Variants in SH3BP1 observed in about 807,000 individuals in gnomAD.
The protein encoded by SH3BP1 is SH3 domain binding protein 1.
Under a neutral mutation model 69.8 loss-of-function variants are expected in SH3BP1, and 46 were observed. The ratio of observed to expected loss-of-function variants is 0.66; its 90% CI spans 0.52 to 0.84. The LOEUF (loss-of-function observed/expected upper bound fraction) is 0.84, where lower values mean the gene tolerates loss of function less well. Among genes scored for constraint, SH3BP1 ranks in the 40% least tolerant of loss-of-function variants. The pLI is 0.00. For missense variants in SH3BP1, 868 were observed against 930.9 expected (o/e 0.93, Z 0.88); for synonymous variants, 403 against 378.0 (o/e 1.07, Z -0.77).
chr22:37,655,556 C>A lies in SH3BP1; in HGVS notation c.1978C>A (p.Pro660Thr), dbSNP rs762441560. ...CCCCAGCCCAGTCTCTTTGAGTAACCCTGCACAGGTGGACCTGGGGGCTGC... is the reference window on the plus strand; with the variant it reads ...CCCCAGCCCAGTCTCTTTGAGTAACACTGCACAGGTGGACCTGGGGGCTGC... ...ASPSPVSLSN[P>T]AQVDLGAATA... The change falls in exon 18 of 18, where the codon CCT becomes ACT. Residue 660 changes from proline (P) to threonine (T), a missense_variant. Coordinates refer to ENST00000649765, the MANE Select transcript of SH3BP1 (RefSeq NM_018957.6). 11 of 1,593,676 alleles carry A rather than the reference C, an allele frequency of 6.9e-6. No homozygotes were observed. The South Asian group carries it at 8.0e-5, about 12-fold the overall frequency.
chr22:37,646,973 G>C, intron 11 of SH3BP1, 44 bp downstream of exon 11: 2 of 1,324,360 alleles, frequency 1.5e-6, no homozygotes, highest in Non-Finnish European at 2.0e-6. Context: ...GGGGGGGAGG[G>C]GGTGCAGTGG....
intron 14 of SH3BP1, 146 bp from the exon 15 acceptor site, chr22:37,650,006 A>AT: frequency 4.6e-6 from 4 of 861,424 alleles, no homozygotes; most frequent in Non-Finnish European, 8.0e-6. Context: ...TGAGTGACAC[A>AT]TTTACCATCA....
chr22:37,651,409 A>C (rs1037391074), intron 16 of SH3BP1, among the ~76,000 whole-genome samples: 10 of 149,232 alleles, frequency 6.7e-5, no homozygotes, highest in Non-Finnish European at 1.3e-4. Flanking sequence ...ATCTTGGCTC[A>C]CTTGCAGCCT....
intron 15 of SH3BP1, 55 bp from the exon 16 acceptor site, chr22:37,650,487 G>A: frequency 6.4e-7 from 1 of 1,561,958 alleles, no homozygotes; most frequent in Non-Finnish European, 8.7e-7. Context: ...CCGGCCAGTG[G>A]AGTGAGGAGC....
In SH3BP1 at chr22:37,650,619, G is replaced by A; in HGVS notation, c.1492G>A (p.Glu498Lys). 6.2e-7 allele frequency: 1 copy of A among 1,614,012 alleles called. No homozygotes were observed. The highest frequency in any genetic ancestry group is 8.5e-7 in the Non-Finnish European group (1 of 1,180,024). ...DTVSDRLASE[E>K]LPSTAVPTPA... ...AGTCAGTGACAGGCTGGCCTCTGAG[G>A]AACTTCCGTCCACTGCCGTGCCCAC... Residue 498 changes from glutamate (E) to lysine (K), a missense_variant, in exon 16 of 18, where the codon GAA becomes AAA. This residue lies in a region of SH3BP1 where 474 missense variants were observed against 462.3 expected (regional missense o/e 1.03). Coordinates refer to ENST00000649765, the MANE Select transcript of SH3BP1 (RefSeq NM_018957.6).
Position 37,647,225 on chromosome 22 carries a change from G to A in SH3BP1, c.1037-42G>A, listed in dbSNP as rs547616637. 2.0e-5 allele frequency: 31 copies of A among 1,545,286 alleles called. 2 individuals carry two copies. In the South Asian group the frequency reaches 2.1e-4, roughly 11 times the overall value. ...CCTTCTACAGGGAGAGTGGGAGAGC[G>A]GGTGGGGGCTGCCTCTGACCCTCCC... On this transcript the variant is annotated intron_variant, in intron 11 of 17. Transcript: ENST00000649765.
At position 37,650,133 on chromosome 22, in the gene SH3BP1, A is replaced by G. The variant is rs1932849681; in HGVS notation, c.1317-19A>G. 1.2e-6 allele frequency: 2 copies of G among 1,613,924 alleles called. No homozygotes were observed. Among genetic ancestry groups the G allele is most frequent in the East Asian group, 4.5e-5 (2 of 44,880 alleles). ...GGGTCACAAACCCTTTGCTGAGCAG[A>G]TGCATCTCTTTGTCCCAGGGACCAG... is the stretch of plus-strand genomic sequence containing the variant. On this transcript the variant is annotated intron_variant, in intron 14 of 17. Transcript: ENST00000649765.
At chr22:37,645,298 G>A in intron 9 of SH3BP1, 67 bp from the exon 10 acceptor site, 2 of 1,543,806 alleles carry the variant, frequency 1.3e-6, no homozygotes, top group Admixed American at 3.7e-5. Context: ...ACATGAAGGG[G>A]GGGTGCCCCT....
In SH3BP1 at chr22:37,655,900, C is replaced by T; in HGVS notation, c.*216C>T. 1 of 1,562,730 alleles carries T rather than the reference C, an allele frequency of 6.4e-7. No individual in the cohort carries two copies. Among genetic ancestry groups the T allele is most frequent in the Non-Finnish European group, 8.6e-7 (1 of 1,161,482 alleles). On this transcript the variant is annotated 3_prime_UTR_variant, in exon 18 of 18. Coordinates refer to ENST00000649765, the MANE Select transcript of SH3BP1 (RefSeq NM_018957.6). ...GTCCACCCTGGGCTTGGGGACCCCC[C>T]CACCGGACTCTCCACTCTCCGGCAG...
intron 1 of SH3BP1, 81 bp downstream of exon 1, chr22:37,639,927 G>C (rs1395635248): frequency 6.8e-6 from 7 of 1,031,346 alleles, no homozygotes; most frequent in African/African-American, 3.4e-5. Flanking sequence ...AGACGGGGGT[G>C]GGGGAGGCTG....
intron 6 of SH3BP1, 99 bp downstream of exon 6, chr22:37,643,273 G>A (rs1317870852): frequency 3.8e-6 from 4 of 1,048,556 alleles, no homozygotes; most frequent in African/African-American, 3.2e-5. Context: ...GATGCTGTGG[G>A]GTCTGCTGAG....
intron 14 of SH3BP1, among the ~76,000 whole-genome samples, chr22:37,649,298 G>A (rs1569009632): frequency 6.6e-6 from 1 of 152,024 alleles, no homozygotes; most frequent in Non-Finnish European, 1.5e-5. Context: ...AACCAGCCTG[G>A]GCAACTTAAT....
intron 13 of SH3BP1, 105 bp downstream of exon 13, chr22:37,647,626 A>G (rs1932807896): frequency 1.3e-6 from 1 of 741,478 alleles, no homozygotes; most frequent in South Asian, 2.6e-5. Context: ...CTGTATCCTA[A>G]GAAATATTAC....
In SH3BP1 at chr22:37,647,502, G is replaced by A. The variant is rs748644656; in HGVS notation, c.1180G>A (p.Glu394Lys). The change falls in exon 13 of 18, where the codon GAG becomes AAG. Residue 394 changes from glutamate (E) to lysine (K), a missense_variant. By Grantham distance (56) the Glu-to-Lys change is moderately conservative. This residue lies in a region of SH3BP1 where 474 missense variants were observed against 462.3 expected (regional missense o/e 1.03). Transcript: ENST00000649765. ...LQEVCSRLPP[E>K]NLSNLRYLMK... ...AGAGGTGTGCAGCCGCCTACCCCCC[G>A]AGAACCTCAGCAACCTCAGGTGAGC... The A allele has an allele frequency of 1.9e-5, 31 of 1,604,476 alleles. No individual in the cohort carries two copies. Among genetic ancestry groups the A allele is most frequent in the African/African-American group, 4.0e-5 (3 of 74,694 alleles).
chr22:37,646,264 T>G (rs1932784450), intron 10 of SH3BP1, among the ~76,000 whole-genome samples: 1 of 114,918 alleles, frequency 8.7e-6, no homozygotes, highest in Non-Finnish European at 1.8e-5. Context: ...CGCCCGACCC[T>G]TTTTTTTTTT....
intron 8 of SH3BP1, 28 bp from the exon 9 acceptor site, chr22:37,644,842 C>T (rs771167543): frequency 2.5e-5 from 40 of 1,612,452 alleles, no homozygotes; most frequent in South Asian, 3.3e-5. Flanking sequence ...CCCCCACTTC[C>T]GCTCAGGGTG....
chr22:37,646,891 G>A lies in SH3BP1; in HGVS notation c.998G>A (p.Ser333Asn). 6.4e-7 allele frequency: 1 copy of A among 1,562,868 alleles called. No individual in the cohort carries two copies. The highest frequency in any genetic ancestry group is 8.6e-7 in the Non-Finnish European group (1 of 1,156,814). The stretch of plus-strand genomic sequence containing the variant: ...CAGACAATGGCCTCGGACCCCCACA[G>A]CCTGGAGGAGTTCTGCTCCGACCCG... Reference protein sequence around the residue: ...LKQTMASDPHSLEEFCSDPHA... With the variant: ...LKQTMASDPHNLEEFCSDPHA... The change falls in exon 11 of 18, where the codon AGC becomes AAC. Residue 333 changes from serine to asparagine, a missense_variant. Ser to Asn is a conservative substitution (Grantham distance 46). Coordinates refer to ENST00000649765, the MANE Select transcript of SH3BP1 (RefSeq NM_018957.6).
chr22:37,647,411 T>C, intron 12 of SH3BP1, 30 bp from the exon 13 acceptor site: 1 of 1,610,794 alleles, frequency 6.2e-7, no homozygotes, highest in Non-Finnish European at 8.5e-7. Flanking sequence ...AGCCCTGCGC[T>C]GGCTGACAGG....
At chr22:37,646,093 A>G (rs1932781783) in intron 10 of SH3BP1, among the ~76,000 whole-genome samples, 2 of 150,498 alleles carry the variant, frequency 1.3e-5, no homozygotes, top group Admixed American at 6.6e-5. Context: ...CAACTTCACA[A>G]GTAGCTGGGA....
Sources: allele counts gnomAD v4.1 joint callset (sites outside exome capture counted in the v4.1 genomes callset), GRCh38; gene constraint gnomAD v4.1.1; regional missense constraint gnomAD v4.1.1; transcripts MANE v1.5; gene names NCBI Gene and HGNC (gene_info 2026-07-23, HGNC 2026-07-21).